CBL: variants seen among roughly 807,000 people sequenced by gnomAD.
CBL encodes E3 ubiquitin-protein ligase CBL.
A neutral mutation model predicts 96.9 loss-of-function variants in CBL; 45 were observed. The observed-to-expected ratio is 0.46, with a 90% CI of 0.37 to 0.60. CBL has a LOEUF of 0.60. Ranked by LOEUF, CBL falls within the 20% of genes least tolerant of loss-of-function variation. The probability of loss-of-function intolerance (pLI) is 0.00; values close to 1 mark genes in which losing one functional copy is unlikely to be tolerated. For synonymous variants in CBL, 420 were observed against 426.8 expected, an observed-to-expected ratio of 0.98 and a Z score of 0.20; for missense variants, 1,024 against 1,143.5, an observed-to-expected ratio of 0.90 and a Z score of 1.51.
intron 2 of CBL, among the ~76,000 whole-genome samples, chr11:119,260,331 C>A (rs943334587): frequency 6.6e-6 from 1 of 151,652 alleles, no homozygotes; most frequent in Non-Finnish European, 1.5e-5. Context: ...GCAACCTCCA[C>A]CTCCTGGGTT....
At chr11:119,228,083 G>A (rs1172146289) in intron 1 of CBL, among the ~76,000 whole-genome samples, 1 of 151,452 alleles carries the variant, frequency 6.6e-6, no homozygotes, top group African/African-American at 2.4e-5. Flanking sequence ...TATTCTAGGA[G>A]GCGTCCTCTT....
intron 6 of CBL, 135 bp from the exon 7 acceptor site, chr11:119,277,622 T>G (rs1404304127): frequency 3.0e-6 from 2 of 662,456 alleles, no homozygotes; most frequent in Non-Finnish European, 2.7e-6. Flanking sequence ...ATTTTTTTTT[T>G]GAAGTAAGAT....
chr11:119,258,193 A>G (rs1018155014), intron 2 of CBL, among the ~76,000 whole-genome samples: 5 of 152,208 alleles, frequency 3.3e-5, no homozygotes, highest in Admixed American at 6.5e-5. Context: ...GCACCATTGC[A>G]CTCCAGCCTG....
Position 119,299,486 on chromosome 11 carries a change from T to A in CBL, c.2435-9T>A. 1 of 1,613,408 alleles carries A rather than the reference T, an allele frequency of 6.2e-7. No homozygotes were observed. The highest frequency in any genetic ancestry group is 1.3e-5 in the African/African-American group (1 of 75,036). ...GATTTGCAAATATTTTCTTTCCTATTTCTTCTAGATGTCACTGAAGGTTCC... is the reference window on the plus strand; with the variant it reads ...GATTTGCAAATATTTTCTTTCCTATATCTTCTAGATGTCACTGAAGGTTCC... On this transcript the variant is annotated splice_polypyrimidine_tract_variant and intron_variant, in intron 15 of 15. Coordinates refer to ENST00000264033, the MANE Select transcript of CBL (RefSeq NM_005188.4).
chr11:119,231,961 G>A (rs1417061527), intron 1 of CBL, among the ~76,000 whole-genome samples: 1 of 151,934 alleles, frequency 6.6e-6, no homozygotes, highest in Non-Finnish European at 1.5e-5. Context: ...AATTAGCTGG[G>A]TGTGGTTATG....
rs143591231 is a variant in CBL, at chr11:119,225,049, G to GGTGT, written c.196-7377_196-7374dup. On this transcript the variant is annotated intron_variant, in intron 1 of 15. Coordinates refer to ENST00000264033, the MANE Select transcript of CBL (RefSeq NM_005188.4). ...CTCCGTTTTATCCTAAACTCTTTGG[G>GGTGT]GTGTGTGTGTGTGTGTGTGTGTGTG... Among the ~76,000 whole-genome samples the GGTGT allele has an allele frequency of 1.4e-3, 202 of 148,972 alleles. 1 individual carries two copies. The highest frequency in any genetic ancestry group is 0.013 in the East Asian group (68 of 5,106).
At chr11:119,260,705 GTCTT>G (rs1949747690) in intron 2 of CBL, among the ~76,000 whole-genome samples, 1 of 151,982 alleles carries the variant, frequency 6.6e-6, no homozygotes, top group Non-Finnish European at 1.5e-5. Flanking sequence ...TCTCAAATCT[GTCTT>G]TATTTTACTG....
At chr11:119,278,485 T>C (rs2135304321) in intron 8 of CBL, 25 bp from the exon 9 acceptor site, 3 of 1,598,092 alleles carry the variant, frequency 1.9e-6, no homozygotes, top group Non-Finnish European at 2.6e-6. Context: ...GATGCATCTG[T>C]TACTATCTTT....
At chr11:119,291,700 C>A (rs530382559) in intron 12 of CBL, among the ~76,000 whole-genome samples, 1 of 152,028 alleles carries the variant, frequency 6.6e-6, no homozygotes, top group Non-Finnish European at 1.5e-5. Flanking sequence ...ACAGTGAGAC[C>A]GTGTCTCAAA....
chr11:119,276,117 T>C lies in CBL; in HGVS notation c.990T>C (p.Asp330=). ...HNKPLFQALI[D]GFREGFYLFP... ...AACCTCTCTTCCAAGCACTGATTGA[T>C]GGCTTCAGGGAAGGCTTGTGAGTAC... is the stretch of plus-strand genomic sequence containing the variant. The change falls in exon 6 of 16, where the codon GAT becomes GAC. Residue 330 remains aspartate (D), a synonymous_variant. Transcript: ENST00000264033. 1 of 1,614,128 alleles carries C rather than the reference T, an allele frequency of 6.2e-7. No individual in the cohort carries two copies. The highest frequency in any genetic ancestry group is 8.5e-7 in the Non-Finnish European group (1 of 1,179,994).
intron 9 of CBL, 88 bp downstream of exon 9, chr11:119,278,801 G>A: frequency 1.1e-6 from 1 of 931,872 alleles, no homozygotes; most frequent in Non-Finnish European, 1.8e-6. Flanking sequence ...AAACTACAAT[G>A]ATAGGTAGTA....
chr11:119,230,474 G>A (rs1183708539), intron 1 of CBL, among the ~76,000 whole-genome samples: 1 of 152,184 alleles, frequency 6.6e-6, no homozygotes, highest in African/African-American at 2.4e-5. Context: ...AAATAAAAAC[G>A]AGAATGTCAG....
intron 2 of CBL, among the ~76,000 whole-genome samples, chr11:119,242,984 TTTAGAA>T (rs1475744135): frequency 1.3e-5 from 2 of 151,816 alleles, no homozygotes; most frequent in Non-Finnish European, 2.9e-5. Flanking sequence ...TATCAAAAGA[TTTAGAA>T]TTTTCAGCCA....
chr11:119,258,889 C>T (rs1387013789), intron 2 of CBL, among the ~76,000 whole-genome samples: 2 of 152,130 alleles, frequency 1.3e-5, no homozygotes, highest in East Asian at 1.9e-4. Context: ...TTTCACGATA[C>T]TGATTCTTCC....
chr11:119,249,666 CTTTT>C (rs767462998), intron 2 of CBL, among the ~76,000 whole-genome samples: 2 of 106,056 alleles, frequency 1.9e-5, no homozygotes, highest in African/African-American at 3.3e-5. Context: ...TTCTTTCTTT[CTTTT>C]TTTTTTTTTA....
Position 119,300,390 on chromosome 11 carries a change from T to C in CBL, c.*609T>C. On this transcript the variant is annotated 3_prime_UTR_variant, in exon 16 of 16. Transcript: ENST00000264033. ...TATTTTTAGAACACCTTCTGTCTGT[T>C]CTTTCCCCATCAACTCCTTCCTCAT... 1 of 407,062 alleles carries C rather than the reference T, an allele frequency of 2.5e-6. No individual in the cohort carries two copies. Among genetic ancestry groups the C allele is most frequent in the Non-Finnish European group, 4.3e-6 (1 of 230,406 alleles). 25.2% of individuals were successfully genotyped at this position (407,062 alleles called of 1,614,324 possible). A position where few individuals can be genotyped will look rare whatever the true frequency, so the allele number is the denominator to read the frequency against.
chr11:119,299,981 G>C lies in CBL; in HGVS notation c.*200G>C. The C allele has an allele frequency of 1.6e-6, 1 of 642,250 alleles. No homozygotes were observed. The highest frequency in any genetic ancestry group is 2.8e-6 in the Non-Finnish European group (1 of 362,646). The allele number at this position is 642,250 out of a possible 1,614,324, so 39.8% of individuals were successfully genotyped here. ...GCTAGTATGTTTTATTATTTTATGGGTCTTGAGTGCATTTGAAGGTGTCCT... is the reference window on the plus strand; with the variant it reads ...GCTAGTATGTTTTATTATTTTATGGCTCTTGAGTGCATTTGAAGGTGTCCT... On this transcript the variant is annotated 3_prime_UTR_variant, in exon 16 of 16. Transcript: ENST00000264033.
At chr11:119,225,724 CT>C (rs57084908) in intron 1 of CBL, among the ~76,000 whole-genome samples, 6 of 102,462 alleles carry the variant, frequency 5.9e-5, no homozygotes, top group African/African-American at 8.0e-5. Context: ...TAAATATTTT[CT>C]TTTTTTTTTT....
At chr11:119,234,000 CTTTT>C (rs557548886) in intron 2 of CBL, among the ~76,000 whole-genome samples, 4 of 151,816 alleles carry the variant, frequency 2.6e-5, no homozygotes, top group South Asian at 2.1e-4. Context: ...TTCTTTCTTT[CTTTT>C]GTTTTGTTTT....
Sources: gnomAD v4.1 joint callset for allele counts (sites outside exome capture counted in the v4.1 genomes callset) on GRCh38, gnomAD v4.1.1 for gene constraint, MANE v1.5 for transcripts, NCBI Gene and HGNC (gene_info 2026-07-23, HGNC 2026-07-21) for gene names.